The following ELSPBP1 variants were observed in gnomAD, a reference collection of about 807,000 sequenced individuals.
ELSPBP1 encodes epididymal sperm binding protein 1.
Under a neutral mutation model 33.3 loss-of-function variants are expected in ELSPBP1, and 38 were observed. That is an observed-to-expected ratio of 1.14 (90% CI 0.88 to 1.50). The LOEUF (loss-of-function observed/expected upper bound fraction) is 1.50, where lower values mean the gene tolerates loss of function less well. Ranked by LOEUF, ELSPBP1 falls within the 40% of genes most tolerant of loss-of-function variation. ELSPBP1 has a pLI of 0.00. For synonymous variants in ELSPBP1, 85 were observed against 94.1 expected, an observed-to-expected ratio of 0.90 and a Z score of 0.56; for missense variants, 267 against 263.5, an observed-to-expected ratio of 1.01 and a Z score of -0.09.
intron 1 of ELSPBP1, among the ~76,000 whole-genome samples, chr19:47,997,778 C>A (rs947013728): frequency 6.6e-6 from 1 of 152,126 alleles, no homozygotes; most frequent in African/African-American, 2.4e-5. Context: ...CCATTACTTT[C>A]AACATTTATC....
chr19:48,019,963 G>A (rs1967182573), intron 5 of ELSPBP1, 86 bp downstream of exon 5: 1 of 1,436,196 alleles, frequency 7.0e-7, no homozygotes, highest in Non-Finnish European at 9.4e-7. Context: ...CCCACTGTGA[G>A]CCAGGCACTG....
intron 5 of ELSPBP1, among the ~76,000 whole-genome samples, chr19:48,021,372 T>C (rs1448494997): frequency 1.3e-5 from 2 of 152,122 alleles, no homozygotes; most frequent in Admixed American, 6.6e-5. Flanking sequence ...AGGCAGTGTC[T>C]TCATGTGTAG....
At chr19:48,014,040 A>G in intron 2 of ELSPBP1, 131 bp from the exon 3 acceptor site, 1 of 1,058,102 alleles carries the variant, frequency 9.5e-7, no homozygotes, top group Non-Finnish European at 1.4e-6. Context: ...GGATTTTAAC[A>G]TATGAATTTT....
chr19:48,019,909 G>A, intron 5 of ELSPBP1, 32 bp downstream of exon 5: 2 of 1,596,632 alleles, frequency 1.3e-6, no homozygotes, highest in African/African-American at 2.7e-5. Context: ...GGTGGGTGTG[G>A]GTGGAGTCTT....
In ELSPBP1 at chr19:48,011,386, CGAT is replaced by C. The variant is rs1048964220; in HGVS notation, c.70+2653_70+2655del. On this transcript the variant is annotated intron_variant, in intron 2 of 6. Coordinates refer to ENST00000339841, the MANE Select transcript of ELSPBP1 (RefSeq NM_022142.5). The surrounding 1 kb of genome is among the most constrained non-coding windows in gnomAD (Gnocchi z 4.5). ...ATGATGATGGTGACAATGATGATGA[CGAT>C]GATAATGATGATGTCAATAATGATG... Among the ~76,000 whole-genome samples the C allele has an allele frequency of 1.3e-4, 19 of 147,412 alleles. No homozygotes were observed. The highest frequency in any genetic ancestry group is 2.3e-4 in the African/African-American group (9 of 39,584).
intron 1 of ELSPBP1, among the ~76,000 whole-genome samples, chr19:48,007,204 C>T (rs914301763): frequency 7.9e-5 from 12 of 152,160 alleles, no homozygotes; most frequent in East Asian, 3.9e-4. Context: ...GACACAGGAA[C>T]GACTAAATAC....
chr19:48,000,777 G>A (rs967547275), intron 1 of ELSPBP1, among the ~76,000 whole-genome samples: 18 of 152,166 alleles, frequency 1.2e-4, no homozygotes, highest in African/African-American at 2.7e-4. Context: ...CCTTTGCTCC[G>A]TACCTGTTCC....
intron 1 of ELSPBP1, among the ~76,000 whole-genome samples, chr19:48,004,585 G>A (rs996205376): frequency 1.3e-5 from 2 of 151,730 alleles, no homozygotes; most frequent in Non-Finnish European, 1.5e-5. Flanking sequence ...CTCCTCTCAC[G>A]TCTCCCTCCT....
chr19:47,995,701 G>A (rs1011204575), intron 1 of ELSPBP1, among the ~76,000 whole-genome samples: 2 of 152,168 alleles, frequency 1.3e-5, no homozygotes, highest in African/African-American at 2.4e-5. Context: ...ATACTTCAGT[G>A]ACTTTACAGC....
intron 6 of ELSPBP1, among the ~76,000 whole-genome samples, chr19:48,024,052 T>C (rs1309277380): frequency 7.4e-6 from 1 of 135,918 alleles, no homozygotes; most frequent in East Asian, 2.1e-4. Context: ...TTTTTTTTTT[T>C]TTTGTATTTT....
chr19:48,009,127 A>T (rs1316886644), intron 2 of ELSPBP1, among the ~76,000 whole-genome samples: 1 of 100,334 alleles, frequency 1.0e-5, no homozygotes, highest in Non-Finnish European at 2.0e-5. Flanking sequence ...CAAGAGCAAA[A>T]CTCCCTCTCA....
chr19:48,022,169 G>T lies in ELSPBP1; in HGVS notation c.515-1G>T, dbSNP rs2122338760. On this transcript the variant is annotated splice_acceptor_variant, in intron 5 of 6. Transcript: ENST00000339841. LOFTEE classifies it high-confidence loss of function. ...TTGTTTTATCCCCTTCTGCTTCCTAGGAATTTCCGCGTTGGTCCCTGGCTT... is the reference window on the plus strand; with the variant it reads ...TTGTTTTATCCCCTTCTGCTTCCTATGAATTTCCGCGTTGGTCCCTGGCTT... The T allele has an allele frequency of 6.2e-7, 1 of 1,610,560 alleles. No homozygotes were observed. Among genetic ancestry groups the T allele is most frequent in the Non-Finnish European group, 8.5e-7 (1 of 1,178,332 alleles).
chr19:48,003,784 G>A (rs947271486), intron 1 of ELSPBP1, among the ~76,000 whole-genome samples: 5 of 150,212 alleles, frequency 3.3e-5, no homozygotes, highest in Non-Finnish European at 7.4e-5. Context: ...GACCTCAGAC[G>A]ATCTGCCCAC....
intron 2 of ELSPBP1, among the ~76,000 whole-genome samples, chr19:48,012,417 C>G (rs766407128): frequency 1.3e-5 from 2 of 151,882 alleles, no homozygotes; most frequent in Non-Finnish European, 1.5e-5. Flanking sequence ...TGTGCCTGGC[C>G]GAGAACAGCA....
intron 6 of ELSPBP1, 32 bp downstream of exon 6, chr19:48,022,366 C>T (rs780779271): frequency 2.7e-5 from 43 of 1,568,116 alleles, no homozygotes; most frequent in South Asian, 3.7e-5. Context: ...GGTCATTTCA[C>T]GGATGCAGAG....
chr19:48,012,071 A>G (rs543256777), intron 2 of ELSPBP1, among the ~76,000 whole-genome samples: 1 of 152,170 alleles, frequency 6.6e-6, no homozygotes, highest in Admixed American at 6.5e-5. Flanking sequence ...TTCTTTTTTC[A>G]AAAAAATTTA....
chr19:48,004,019 C>G (rs1288825166), intron 1 of ELSPBP1, among the ~76,000 whole-genome samples: 1 of 151,662 alleles, frequency 6.6e-6, no homozygotes, highest in Non-Finnish European at 1.5e-5. Context: ...TCTCGGCTCA[C>G]AGCAACCTCT....
intron 4 of ELSPBP1, among the ~76,000 whole-genome samples, chr19:48,018,776 G>A (rs10416064): frequency 0.16 from 24,305 of 151,834 alleles, 1,991 homozygotes; most frequent in Middle Eastern, 0.22. Flanking sequence ...AGCTCCCCAT[G>A]AAAGACCACC....
intron 1 of ELSPBP1, among the ~76,000 whole-genome samples, chr19:48,004,270 A>G (rs145754946): frequency 7.9e-5 from 12 of 151,892 alleles, no homozygotes; most frequent in African/African-American, 2.9e-4. Flanking sequence ...AATCTGAGGG[A>G]GGCTCTACAG....
Sources: gnomAD v4.1 joint callset for allele counts (sites outside exome capture counted in the v4.1 genomes callset) on GRCh38, gnomAD v4.1.1 for gene constraint, Gnocchi (gnomAD v3.1) non-coding constraint, MANE v1.5 for transcripts, NCBI Gene and HGNC (gene_info 2026-07-23, HGNC 2026-07-21) for gene names.